Variants in PRKCB observed in about 807,000 individuals in gnomAD.
PRKCB encodes the protein protein kinase C beta, also known as protein kinase C beta type.
A neutral mutation model predicts 81.5 loss-of-function variants in PRKCB; 13 were observed. That is an observed-to-expected ratio of 0.16 (90% CI 0.10 to 0.25). The LOEUF (loss-of-function observed/expected upper bound fraction) is 0.25, where lower values mean the gene tolerates loss of function less well. PRKCB is among the 10% of genes least tolerant of loss of function. The pLI is 1.00. For synonymous variants in PRKCB, 335 were observed against 321.4 expected (o/e 1.04, Z -0.45); for missense variants, 509 against 875.7 (o/e 0.58, Z 5.29).
At chr16:23,959,750 T>C (rs1964399187) in intron 2 of PRKCB, among the ~76,000 whole-genome samples, 1 of 152,092 alleles carries the variant, frequency 6.6e-6, no homozygotes, top group African/African-American at 2.4e-5. Flanking sequence ...CCCCAGAAGG[T>C]CACCAAAAGG....
chr16:24,007,924 T>A (rs945079900), intron 3 of PRKCB, among the ~76,000 whole-genome samples: 1 of 152,050 alleles, frequency 6.6e-6, no homozygotes, highest in African/African-American at 2.4e-5. Flanking sequence ...TCTGCTCTTT[T>A]GTGTTCATGA....
At chr16:24,171,914 T>G (rs911650947) in intron 10 of PRKCB, among the ~76,000 whole-genome samples, 1 of 151,632 alleles carries the variant, frequency 6.6e-6, no homozygotes, top group Non-Finnish European at 1.5e-5. Flanking sequence ...TTGTATTTTG[T>G]TTTTTTTCAG....
At chr16:23,942,273 TGTCTAAA>T (rs2044028903) in intron 2 of PRKCB, among the ~76,000 whole-genome samples, 1 of 152,272 alleles carries the variant, frequency 6.6e-6, no homozygotes, top group Admixed American at 6.5e-5. Context: ...GCAATCTGTG[TGTCTAAA>T]GGAAAGTGGT....
intron 2 of PRKCB, among the ~76,000 whole-genome samples, chr16:23,972,955 A>T (rs537333837): frequency 9.2e-5 from 14 of 152,220 alleles, no homozygotes; most frequent in Non-Finnish European, 1.9e-4. Flanking sequence ...AGTGCCTATT[A>T]TGGTGTTAAG....
chr16:23,892,106 G>A (rs1963304297), intron 2 of PRKCB, among the ~76,000 whole-genome samples: 1 of 151,432 alleles, frequency 6.6e-6, no homozygotes, highest in Non-Finnish European at 1.5e-5. Context: ...GTTAATAAGT[G>A]GCACGATTCC....
chr16:24,126,871 C>A (rs966832977), intron 9 of PRKCB, among the ~76,000 whole-genome samples: 5 of 151,764 alleles, frequency 3.3e-5, no homozygotes, highest in Non-Finnish European at 7.4e-5. Context: ...CATGGTCTCA[C>A]TATGTTTCCC....
chr16:23,854,404 G>A (rs2141084957), intron 2 of PRKCB, among the ~76,000 whole-genome samples: 1 of 152,312 alleles, frequency 6.6e-6, no homozygotes, highest in East Asian at 1.9e-4. Flanking sequence ...CTGTGGGTCA[G>A]TAATTTGGGC....
chr16:24,088,233 G>A (rs571123316), intron 5 of PRKCB, among the ~76,000 whole-genome samples: 3 of 152,270 alleles, frequency 2.0e-5, no homozygotes, highest in Admixed American at 6.5e-5. Context: ...GATGGTTTTA[G>A]TAGCCAGAGC....
At chr16:24,043,859 G>A (rs999973948) in intron 5 of PRKCB, among the ~76,000 whole-genome samples, 1 of 152,152 alleles carries the variant, frequency 6.6e-6, no homozygotes, top group African/African-American at 2.4e-5. Context: ...GTCCAGCAAT[G>A]TCTATTAAAA....
chr16:24,214,633 A>G (rs1368035013), intron 16 of PRKCB, 25 bp from the exon 17 acceptor site: 8 of 1,595,526 alleles, frequency 5.0e-6, no homozygotes, highest in Non-Finnish European at 6.8e-6. Flanking sequence ...CACCCACCAC[A>G]AGTTCTTTTC....
intron 2 of PRKCB, among the ~76,000 whole-genome samples, chr16:23,956,539 T>C (rs1044637880): frequency 6.6e-6 from 1 of 152,180 alleles, no homozygotes; most frequent in African/African-American, 2.4e-5. Flanking sequence ...GGCACTGTAG[T>C]GGGGATTTCC....
At chr16:24,206,532 C>A (rs934228043) in intron 16 of PRKCB, among the ~76,000 whole-genome samples, 2 of 152,146 alleles carry the variant, frequency 1.3e-5, no homozygotes, top group South Asian at 2.1e-4. Context: ...GAGCCTTATC[C>A]TCTCCTCCAC....
At chr16:23,866,835 A>C (rs1812260602) in intron 2 of PRKCB, among the ~76,000 whole-genome samples, 1 of 152,120 alleles carries the variant, frequency 6.6e-6, no homozygotes, top group Non-Finnish European at 1.5e-5. Context: ...CCAGACCATG[A>C]TATTATCAGG....
chr16:23,957,087 A>T (rs1387647841), intron 2 of PRKCB, among the ~76,000 whole-genome samples: 3 of 151,874 alleles, frequency 2.0e-5, no homozygotes, highest in African/African-American at 7.3e-5. Context: ...AAAAGATTAG[A>T]CAGTTTCAAT....
In PRKCB at chr16:24,214,848, G is replaced by C. The variant is rs1254386126; in HGVS notation, c.*32G>C. On this transcript the variant is annotated 3_prime_UTR_variant, in exon 17 of 17. Coordinates refer to ENST00000643927, the MANE Select transcript of PRKCB (RefSeq NM_002738.7). ...GTGTAGATCTCCGTCCTTCATTTCTGTCATTCAAGCTCAACGGCTATTGTG... is the reference window on the plus strand; with the variant it reads ...GTGTAGATCTCCGTCCTTCATTTCTCTCATTCAAGCTCAACGGCTATTGTG... The C allele has an allele frequency of 1.9e-5, 28 of 1,505,354 alleles. No homozygotes were observed. The highest frequency in any genetic ancestry group is 2.3e-5 in the Non-Finnish European group (26 of 1,129,974). The allele number at this position is 1,505,354 out of a possible 1,614,324, so 93.2% of individuals were successfully genotyped here. A position where few individuals can be genotyped will look rare whatever the true frequency, so the allele number is the denominator to read the frequency against.
chr16:24,082,509 A>T (rs1966262573), intron 5 of PRKCB, among the ~76,000 whole-genome samples: 1 of 152,236 alleles, frequency 6.6e-6, no homozygotes, highest in Non-Finnish European at 1.5e-5. Flanking sequence ...GACAGGATAG[A>T]TACACAAGCC....
chr16:24,218,610 T>G lies in PRKCB; in HGVS notation c.*3794T>G. 1 of 985,144 alleles carries G rather than the reference T, an allele frequency of 1.0e-6. No individual in the cohort carries two copies. The highest frequency in any genetic ancestry group is 4.7e-5 in the South Asian group (1 of 21,274). The allele number at this position is 985,144 out of a possible 1,614,324, so 61.0% of individuals were successfully genotyped here. Reference sequence around the variant, plus strand: ...GGGAGCAGCCACAAAGAAGCAAGTCTTGTAAAAGGTCTTTTGCAAAGGAGA... The same window carrying G: ...GGGAGCAGCCACAAAGAAGCAAGTCGTGTAAAAGGTCTTTTGCAAAGGAGA... On this transcript the variant is annotated 3_prime_UTR_variant, in exon 17 of 17. Coordinates refer to ENST00000643927, the MANE Select transcript of PRKCB (RefSeq NM_002738.7).
At chr16:24,078,716 C>T (rs1966211807) in intron 5 of PRKCB, among the ~76,000 whole-genome samples, 1 of 152,120 alleles carries the variant, frequency 6.6e-6, no homozygotes, top group South Asian at 2.1e-4. Context: ...TGTGAGAGCT[C>T]AAAGGTGGAC....
intron 2 of PRKCB, among the ~76,000 whole-genome samples, chr16:23,859,199 G>A (rs925183923): frequency 3.8e-4 from 58 of 152,132 alleles, no homozygotes; most frequent in African/African-American, 1.4e-3. Flanking sequence ...AGTTGAAGAG[G>A]GCAACAAACC....
Sources: gnomAD v4.1 joint callset for allele counts (sites outside exome capture counted in the v4.1 genomes callset) on GRCh38, gnomAD v4.1.1 for gene constraint, MANE v1.5 for transcripts, NCBI Gene and HGNC (gene_info 2026-07-23, HGNC 2026-07-21) for gene names.